WBP4: variants seen among roughly 807,000 people sequenced by gnomAD.
WBP4 encodes the protein WW domain-binding protein 4.
A neutral mutation model predicts 55.4 loss-of-function variants in WBP4; 37 were observed. The observed-to-expected ratio is 0.67, with a 90% CI of 0.51 to 0.88. WBP4 has a LOEUF of 0.88. Ranked by LOEUF, WBP4 falls within the 40% of genes least tolerant of loss-of-function variation. WBP4 has a pLI of 0.00. For synonymous variants in WBP4, 142 were observed against 140.2 expected (o/e 1.01, Z -0.09); for missense variants, 398 against 420.8 (o/e 0.95, Z 0.47).
chr13:41,077,271 G>A (rs1212789115), intron 8 of WBP4, among the ~76,000 whole-genome samples: 1 of 152,094 alleles, frequency 6.6e-6, no homozygotes, highest in Non-Finnish European at 1.5e-5. Flanking sequence ...ATCCTTTCAT[G>A]ATAAAAACCT....
chr13:41,073,331 A>G (rs1878331819), intron 7 of WBP4, among the ~76,000 whole-genome samples: 2 of 152,030 alleles, frequency 1.3e-5, no homozygotes, highest in South Asian at 2.1e-4. Context: ...CCTGACCAAC[A>G]TGGTGAAACC....
At chr13:41,072,641 C>T in intron 6 of WBP4, 141 bp from the exon 7 acceptor site, 2 of 664,176 alleles carry the variant, frequency 3.0e-6, no homozygotes, top group Non-Finnish European at 5.2e-6. Context: ...TACAAGTCTA[C>T]ATGAGATTTG....
intron 4 of WBP4, among the ~76,000 whole-genome samples, chr13:41,066,754 C>T (rs1199543859): frequency 1.3e-5 from 2 of 151,296 alleles, no homozygotes; most frequent in African/African-American, 2.4e-5. Context: ...TTTTCACTGT[C>T]GTAAAGAGTG....
Position 41,062,711 on chromosome 13 carries a change from A to AG in WBP4, c.72dup (p.Pro25AlafsTer2). On this transcript the variant is annotated frameshift_variant, in exon 2 of 10. Transcript: ENST00000379487. LOFTEE classifies it high-confidence loss of function. ...CTGCAAGTGCTGGATAGCAGACAATAGGCCTGTATGATAATTCCGCTGTTA... is the reference window on the plus strand; with the variant it reads ...CTGCAAGTGCTGGATAGCAGACAATAGGGCCTGTATGATAATTCCGCTGTTA... 1 of 1,608,632 alleles carries AG rather than the reference A, an allele frequency of 6.2e-7. No individual in the cohort carries two copies. The highest frequency in any genetic ancestry group is 8.5e-7 in the Non-Finnish European group (1 of 1,177,082).
intron 1 of WBP4, 49 bp downstream of exon 1, chr13:41,061,724 C>T (rs773043477): frequency 1.9e-6 from 3 of 1,611,764 alleles, no homozygotes; most frequent in Non-Finnish European, 2.5e-6. Flanking sequence ...TTCTCTGGGC[C>T]GCCCTTTCTC....
intron 1 of WBP4, chr13:41,062,110 T>TTG (rs1555284059): frequency 2.1e-6 from 2 of 967,764 alleles, no homozygotes; most frequent in Admixed American, 1.3e-4. Flanking sequence ...TTTTTTTTTT[T>TTG]TTTTTTTTTT....
chr13:41,066,634 T>C (rs534026436), intron 4 of WBP4, among the ~76,000 whole-genome samples: 1 of 152,328 alleles, frequency 6.6e-6, no homozygotes, highest in African/African-American at 2.4e-5. Flanking sequence ...AAATTGCTTA[T>C]TACGTGACCA....
Position 41,069,662 on chromosome 13 carries a change from G to A in WBP4, c.439+925G>A, listed in dbSNP as rs571936548. On this transcript the variant is annotated intron_variant, in intron 5 of 9. Transcript: ENST00000379487. ...CGGAGCTTGCGGTGAGCGTAGATTG[G>A]GCCACTGTACTCCAGCCTGGGCGAC... 1.1e-3 allele frequency among the ~76,000 whole-genome samples: 170 copies of A among 148,498 alleles called. 1 individual carries two copies. The highest frequency in any genetic ancestry group is 4.2e-3 in the African/African-American group (168 of 40,136).
At chr13:41,081,188 T>TC (rs202170787) in intron 9 of WBP4, among the ~76,000 whole-genome samples, 1,879 of 151,502 alleles carry the variant, frequency 0.012, 26 homozygotes, top group African/African-American at 0.033. Context: ...AGAGCAAGAC[T>TC]CCATCTCGAA....
intron 7 of WBP4, among the ~76,000 whole-genome samples, chr13:41,074,025 G>C (rs1878368028): frequency 6.6e-6 from 1 of 151,458 alleles, no homozygotes; most frequent in Admixed American, 6.6e-5. Flanking sequence ...CTGCCCCCTG[G>C]GGTTCATGCC....
intron 5 of WBP4, 56 bp downstream of exon 5, chr13:41,068,793 A>T: frequency 7.1e-7 from 1 of 1,416,366 alleles, no homozygotes. Flanking sequence ...AGAATAGAAC[A>T]ATTTATTTTA....
chr13:41,075,156 C>G (rs1000401406), intron 7 of WBP4, among the ~76,000 whole-genome samples: 2 of 152,066 alleles, frequency 1.3e-5, no homozygotes, highest in Admixed American at 1.3e-4. Context: ...CAGCCCCTTT[C>G]ACTCTTAAAA....
intron 5 of WBP4, among the ~76,000 whole-genome samples, chr13:41,070,420 A>G (rs1878187862): frequency 6.6e-6 from 1 of 152,034 alleles, no homozygotes; most frequent in African/African-American, 2.4e-5. Flanking sequence ...GGTCGAGGTA[A>G]AACATGCAGT....
In WBP4 at chr13:41,082,990, TGTAA is replaced by T; in HGVS notation, c.*80_*83del. On this transcript the variant is annotated 3_prime_UTR_variant, in exon 10 of 10. Coordinates refer to ENST00000379487, the MANE Select transcript of WBP4 (RefSeq NM_007187.5). ...CACCCAAAGTTTATCTGTGTTTGTT[TGTAA>T]GTATTATGATGCTAAAAATTTAGAT... 1 of 1,352,752 alleles carries T rather than the reference TGTAA, an allele frequency of 7.4e-7. No individual in the cohort carries two copies. The highest frequency in any genetic ancestry group is 1.0e-6 in the Non-Finnish European group (1 of 974,636). 83.8% of individuals were successfully genotyped at this position (1,352,752 alleles called of 1,614,324 possible). A position where few individuals can be genotyped will look rare whatever the true frequency, so the allele number is the denominator to read the frequency against.
intron 7 of WBP4, among the ~76,000 whole-genome samples, 154 bp downstream of exon 7, chr13:41,073,011 A>G (rs934247053): frequency 3.3e-5 from 5 of 152,240 alleles, no homozygotes; most frequent in African/African-American, 1.2e-4. Context: ...TAAAAACAAT[A>G]CAGTGGAAAA....
Position 41,082,846 on chromosome 13 carries a change from G to C in WBP4, c.1063G>C (p.Val355Leu). Reference protein sequence around the residue: ...LGVMADGVAPVFKKRRTENGK... With the variant: ...LGVMADGVAPLFKKRRTENGK... ...AGTTATGGCAGATGGAGTGGCCCCAGTCTTCAAAAAGAGAAGAACTGAAAA... is the reference window on the plus strand; with the variant it reads ...AGTTATGGCAGATGGAGTGGCCCCACTCTTCAAAAAGAGAAGAACTGAAAA... The change falls in exon 10 of 10, where the codon GTC becomes CTC. Residue 355 changes from valine (V) to leucine (L), a missense_variant. Physicochemically the swap from Val to Leu is conservative, Grantham distance 32. Transcript: ENST00000379487. 1 of 1,614,090 alleles carries C rather than the reference G, an allele frequency of 6.2e-7. No individual in the cohort carries two copies. Among genetic ancestry groups the C allele is most frequent in the South Asian group, 1.1e-5 (1 of 91,082 alleles).
At chr13:41,077,524 C>CA (rs1311069950) in intron 8 of WBP4, among the ~76,000 whole-genome samples, 1 of 152,034 alleles carries the variant, frequency 6.6e-6, no homozygotes, top group Non-Finnish European at 1.5e-5. Flanking sequence ...ATGAGAAACA[C>CA]ACAGCCAACG....
intron 7 of WBP4, among the ~76,000 whole-genome samples, chr13:41,074,443 T>C (rs562425282): frequency 1.3e-5 from 2 of 152,150 alleles, no homozygotes; most frequent in Non-Finnish European, 2.9e-5. Context: ...GTTATAGCAA[T>C]GTTTATATTC....
At position 41,082,752 on chromosome 13, in the gene WBP4, A is replaced by G. The variant is rs1310440778; in HGVS notation, c.969A>G (p.Ser323=). Residue 323 remains serine (S), a synonymous_variant, in exon 10 of 10, where the codon TCA becomes TCG. Transcript: ENST00000379487. ...CAAGCACTGAAAATGAGTATGTATCAACTTCAGAAGCTGATGGTGGCGGAG... is the reference window on the plus strand; with the variant it reads ...CAAGCACTGAAAATGAGTATGTATCGACTTCAGAAGCTGATGGTGGCGGAG... ...ELPSTENEYV[S]TSEADGGGEP... 6.2e-7 allele frequency: 1 copy of G among 1,614,010 alleles called. No individual in the cohort carries two copies. The highest frequency in any genetic ancestry group is 1.3e-5 in the African/African-American group (1 of 74,930).
Sources: allele counts gnomAD v4.1 joint callset (sites outside exome capture counted in the v4.1 genomes callset), GRCh38; gene constraint gnomAD v4.1.1; transcripts MANE v1.5; gene names NCBI Gene and HGNC (gene_info 2026-07-23, HGNC 2026-07-21).